EDA2R: variants seen among roughly 807,000 people sequenced by gnomAD.
The protein encoded by EDA2R is ectodysplasin A2 receptor.
Under a neutral mutation model 20.1 loss-of-function variants are expected in EDA2R, and 26 were observed. That is an observed-to-expected ratio of 1.30 (90% CI 0.95 to 1.80). EDA2R has a LOEUF of 1.80. Among genes scored for constraint, EDA2R ranks in the 40% most tolerant of loss-of-function variants. EDA2R has a pLI of 0.00. For synonymous variants in EDA2R, 114 were observed against 88.7 expected, an observed-to-expected ratio of 1.29 and a Z score of -1.60; for missense variants, 277 against 228.7, an observed-to-expected ratio of 1.21 and a Z score of -1.36.
chrX:66,616,700 A>T (rs1180899028), intron 1 of EDA2R, among the ~76,000 whole-genome samples: 1 of 112,413 alleles, frequency 8.9e-6, no homozygotes, highest in East Asian at 2.8e-4. Flanking sequence ...AGATAGGGAA[A>T]CATTACTCAG....
At chrX:66,630,440 C>T (rs1175482104) in intron 1 of EDA2R, among the ~76,000 whole-genome samples, 1 of 111,387 alleles carries the variant, frequency 9.0e-6, no homozygotes, top group East Asian at 2.8e-4. Context: ...ACAATATATA[C>T]ATCTGACAAA....
At chrX:66,638,567 A>G (rs1322009814) in intron 1 of EDA2R, among the ~76,000 whole-genome samples, 1 of 110,901 alleles carries the variant, frequency 9.0e-6, no homozygotes, top group Non-Finnish European at 1.9e-5. Flanking sequence ...CTCTTTACAC[A>G]AGCCCTGACT....
chrX:66,602,277 T>C (rs1405969207), intron 5 of EDA2R, among the ~76,000 whole-genome samples: 1 of 111,155 alleles, frequency 9.0e-6, no homozygotes, highest in African/African-American at 3.3e-5. Flanking sequence ...AAGAAAGAGG[T>C]CTGAAGAGGC....
intron 5 of EDA2R, chrX:66,600,187 T>C: frequency 1.5e-6 from 1 of 654,309 alleles, no homozygotes. Context: ...CTATGTACAT[T>C]AAGTTACATG....
intron 1 of EDA2R, among the ~76,000 whole-genome samples, chrX:66,619,761 T>A (rs183199260): frequency 8.9e-6 from 1 of 111,860 alleles, no homozygotes; most frequent in African/African-American, 3.2e-5. Flanking sequence ...GAATATCTGA[T>A]CTGTGTAACT....
chrX:66,601,098 C>T (rs1301801116), intron 5 of EDA2R, among the ~76,000 whole-genome samples: 3 of 112,112 alleles, frequency 2.7e-5, no homozygotes, highest in Non-Finnish European at 5.6e-5. Flanking sequence ...AATGTCTAGC[C>T]TTCCTAGCCC....
intron 2 of EDA2R, among the ~76,000 whole-genome samples, chrX:66,613,460 T>C (rs1424435581): frequency 9.0e-6 from 1 of 111,334 alleles, no homozygotes; most frequent in African/African-American, 3.3e-5. Flanking sequence ...CCCTATCAAA[T>C]AGATAAAAAG....
intron 1 of EDA2R, among the ~76,000 whole-genome samples, chrX:66,629,380 T>C (rs1487315191): frequency 9.0e-6 from 1 of 111,463 alleles, no homozygotes; most frequent in Non-Finnish European, 1.9e-5. Context: ...GCATCCAAAC[T>C]GGTAAAGAGG....
chrX:66,636,560 C>T (rs1350171732), intron 1 of EDA2R, among the ~76,000 whole-genome samples: 2 of 110,052 alleles, frequency 1.8e-5, no homozygotes, highest in East Asian at 5.8e-4. Flanking sequence ...AAAGGAAGAA[C>T]TTTTAACAGT....
intron 2 of EDA2R, among the ~76,000 whole-genome samples, chrX:66,606,430 AGTGC>A (rs1929693949): frequency 1.8e-5 from 2 of 111,859 alleles, no homozygotes; most frequent in South Asian, 7.5e-4. Flanking sequence ...TTCATTTTCC[AGTGC>A]ATGCTGACAC....
intron 1 of EDA2R, among the ~76,000 whole-genome samples, chrX:66,628,807 T>C (rs1456636629): frequency 2.7e-5 from 3 of 110,283 alleles, no homozygotes; most frequent in Non-Finnish European, 3.8e-5. Flanking sequence ...TTCCACAAGA[T>C]AGAGAAAGAG....
At chrX:66,636,630 G>A (rs608207) in intron 1 of EDA2R, among the ~76,000 whole-genome samples, 1 of 109,711 alleles carries the variant, frequency 9.1e-6, no homozygotes, top group South Asian at 3.9e-4. Context: ...CCTCCCTCTA[G>A]AAGTGTTCAA....
intron 5 of EDA2R, chrX:66,600,072 G>A: frequency 8.6e-7 from 1 of 1,159,180 alleles, no homozygotes; most frequent in Non-Finnish European, 1.2e-6. Flanking sequence ...GCTGGTACTG[G>A]ATCAGAGAAA....
chrX:66,625,489 C>A (rs759573236), intron 1 of EDA2R, among the ~76,000 whole-genome samples: 8 of 111,154 alleles, frequency 7.2e-5, no homozygotes, highest in Non-Finnish European at 1.5e-4. Context: ...TCACCCCCAC[C>A]CACACAGCAG....
At chrX:66,619,873 A>G (rs1369836216) in intron 1 of EDA2R, among the ~76,000 whole-genome samples, 1 of 111,555 alleles carries the variant, frequency 9.0e-6, no homozygotes, top group Non-Finnish European at 1.9e-5. Flanking sequence ...CAACATATAC[A>G]TAGTAAGGAG....
chrX:66,625,055 A>G (rs1409512479), intron 1 of EDA2R, among the ~76,000 whole-genome samples: 1 of 111,771 alleles, frequency 8.9e-6, no homozygotes, highest in African/African-American at 3.3e-5. Context: ...CAGGCCTGGA[A>G]CCACAGGGAA....
intron 1 of EDA2R, among the ~76,000 whole-genome samples, chrX:66,619,541 T>C (rs1932259486): frequency 8.9e-6 from 1 of 111,897 alleles, no homozygotes; most frequent in Non-Finnish European, 1.9e-5. Context: ...AGAACATTTT[T>C]TTCACCCCAA....
chrX:66,616,743 A>C (rs1931761707), intron 1 of EDA2R, among the ~76,000 whole-genome samples: 1 of 112,429 alleles, frequency 8.9e-6, no homozygotes, highest in Non-Finnish European at 1.9e-5. Flanking sequence ...TGCATATAGC[A>C]GTAGAGCTAG....
chrX:66,626,881 A>C (rs1449929082), intron 1 of EDA2R, among the ~76,000 whole-genome samples: 1 of 108,184 alleles, frequency 9.2e-6, no homozygotes, highest in African/African-American at 3.4e-5. Flanking sequence ...GCACCAGGTA[A>C]CCCACCAAGG....
Sources: allele counts gnomAD v4.1 joint callset (sites outside exome capture counted in the v4.1 genomes callset), GRCh38; gene constraint gnomAD v4.1.1; transcripts MANE v1.5; gene names NCBI Gene and HGNC (gene_info 2026-07-23, HGNC 2026-07-21).